The following HAUS1 variants were observed in gnomAD, a reference collection of about 807,000 sequenced individuals.
HAUS1 encodes the protein HAUS augmin like complex subunit 1.
HAUS1 carries 25 observed loss-of-function variants against 38.6 expected under a neutral mutation model. That is an observed-to-expected ratio of 0.65 (90% CI 0.47 to 0.91). The LOEUF (loss-of-function observed/expected upper bound fraction) is 0.91, where lower values mean the gene tolerates loss of function less well. Ranked by LOEUF, HAUS1 falls within the 40% of genes least tolerant of loss-of-function variation. The pLI is 0.00. For missense variants in HAUS1, 325 were observed against 328.4 expected (o/e 0.99, Z 0.08); for synonymous variants, 109 against 112.9 (o/e 0.97, Z 0.22).
chr18:46,118,091 A>C (rs2044741358), intron 2 of HAUS1, 90 bp from the exon 3 acceptor site: 4 of 1,249,768 alleles, frequency 3.2e-6, no homozygotes, highest in Non-Finnish European at 3.5e-6. Flanking sequence ...AGGTGGGTGG[A>C]TTATATGCTA....
chr18:46,127,487 A>G (rs990109320), intron 8 of HAUS1, among the ~76,000 whole-genome samples: 4 of 152,084 alleles, frequency 2.6e-5, no homozygotes, highest in African/African-American at 9.6e-5. Flanking sequence ...GGGTGGATCA[A>G]AAGGTCAAGA....
chr18:46,108,584 C>T (rs898686151), intron 2 of HAUS1, among the ~76,000 whole-genome samples: 1 of 152,120 alleles, frequency 6.6e-6, no homozygotes, highest in African/African-American at 2.4e-5. Flanking sequence ...ACAAATTTCC[C>T]TCCACATACC....
intron 2 of HAUS1, chr18:46,109,622 CT>C (rs754455444): frequency 3.3e-4 from 48 of 146,100 alleles, no homozygotes; most frequent in East Asian, 1.2e-3. Context: ...TTTTTCTTTT[CT>C]TTTTTTTTTT....
intron 2 of HAUS1, among the ~76,000 whole-genome samples, chr18:46,116,738 C>T (rs977964856): frequency 1.3e-5 from 2 of 152,088 alleles, no homozygotes; most frequent in Non-Finnish European, 2.9e-5. Context: ...CTAGGCTGGG[C>T]ACAGTGGCTC....
intron 2 of HAUS1, among the ~76,000 whole-genome samples, chr18:46,105,718 A>T (rs1270041706): frequency 1.3e-5 from 2 of 151,902 alleles, no homozygotes; most frequent in African/African-American, 2.4e-5. Context: ...AGTAGCTGGG[A>T]CTACAGGCCT....
At chr18:46,116,592 C>T (rs1398676863) in intron 2 of HAUS1, among the ~76,000 whole-genome samples, 1 of 151,420 alleles carries the variant, frequency 6.6e-6, no homozygotes, top group African/African-American at 2.4e-5. Context: ...AAAACCAAAA[C>T]CTCAATAATA....
intron 6 of HAUS1, 121 bp downstream of exon 6, chr18:46,123,485 T>C: frequency 1.4e-6 from 1 of 698,188 alleles, no homozygotes; most frequent in Non-Finnish European, 2.5e-6. Context: ...TCCTTTACCT[T>C]TGTACTTTAT....
intron 2 of HAUS1, among the ~76,000 whole-genome samples, chr18:46,116,108 A>AAAGGG (rs371385737): frequency 6.6e-6 from 1 of 152,040 alleles, no homozygotes; most frequent in African/African-American, 2.4e-5. Flanking sequence ...TGTCTCAGAA[A>AAAGGG]AAGGGAAGGG....
intron 1 of HAUS1, 84 bp from the exon 2 acceptor site, chr18:46,105,110 C>T (rs1305433598): frequency 1.5e-5 from 15 of 993,522 alleles, no homozygotes; most frequent in Admixed American, 2.9e-5. Context: ...ATTTAGTTTG[C>T]TTTTGATCAC....
At chr18:46,117,849 G>A (rs1911835702) in intron 2 of HAUS1, among the ~76,000 whole-genome samples, 2 of 152,136 alleles carry the variant, frequency 1.3e-5, no homozygotes, top group Non-Finnish European at 2.9e-5. Flanking sequence ...AGGAGGCTGA[G>A]GCAGGAGAAT....
intron 2 of HAUS1, among the ~76,000 whole-genome samples, chr18:46,114,533 G>A (rs571734747): frequency 3.3e-4 from 50 of 152,288 alleles, no homozygotes; most frequent in African/African-American, 1.2e-3. Flanking sequence ...CGGAGCAAGG[G>A]CCATTGGGAC....
intron 6 of HAUS1, among the ~76,000 whole-genome samples, 166 bp from the exon 7 acceptor site, chr18:46,124,656 G>A (rs751814397): frequency 6.6e-6 from 1 of 152,020 alleles, no homozygotes; most frequent in Non-Finnish European, 1.5e-5. Context: ...AACAGGTGTT[G>A]TTTCCATTTG....
intron 4 of HAUS1, among the ~76,000 whole-genome samples, chr18:46,120,293 G>A (rs1911901291): frequency 6.6e-6 from 1 of 151,378 alleles, no homozygotes; most frequent in Non-Finnish European, 1.5e-5. Flanking sequence ...GGAGTACAGT[G>A]GCACGATCTC....
chr18:46,114,394 G>T lies in HAUS1; in HGVS notation c.206-3787G>T, dbSNP rs540599387. ...CCTCTGGAGTTGGGGTTGGAGGTAGGTAGGGAAAATGTCAAGTTTGTCACT... is the reference window on the plus strand; with the variant it reads ...CCTCTGGAGTTGGGGTTGGAGGTAGTTAGGGAAAATGTCAAGTTTGTCACT... On this transcript the variant is annotated intron_variant, in intron 2 of 8. Transcript: ENST00000282058. 2.2e-4 allele frequency among the ~76,000 whole-genome samples: 34 copies of T among 152,312 alleles called. No homozygotes were observed. In the South Asian group the frequency reaches 6.2e-3, roughly 28 times the overall value.
intron 8 of HAUS1, 185 bp downstream of exon 8, chr18:46,125,976 C>T (rs899364072): frequency 8.2e-6 from 4 of 486,792 alleles, no homozygotes; most frequent in Admixed American, 3.6e-5. Flanking sequence ...TATATTTTTT[C>T]CATTAAGAAA....
At chr18:46,110,333 G>GTTTC (rs1911587751) in intron 2 of HAUS1, among the ~76,000 whole-genome samples, 1 of 49,994 alleles carries the variant, frequency 2.0e-5, no homozygotes, top group Non-Finnish European at 3.5e-5. Context: ...TTTTTTTAAG[G>GTTTC]TTTTTTTTTT....
chr18:46,121,787 T>C (rs1283191009), intron 4 of HAUS1: 1 of 152,154 alleles, frequency 6.6e-6, no homozygotes, highest in African/African-American at 2.4e-5. Flanking sequence ...ATTGTAAAAT[T>C]GTTGTAAACC....
intron 5 of HAUS1, 74 bp from the exon 6 acceptor site, chr18:46,123,225 A>G: frequency 9.3e-7 from 1 of 1,075,494 alleles, no homozygotes; most frequent in Non-Finnish European, 1.4e-6. Flanking sequence ...AAAAAAGAAG[A>G]AAAAGAAAAA....
chr18:46,123,909 T>G (rs902447850), intron 6 of HAUS1, among the ~76,000 whole-genome samples: 2 of 152,162 alleles, frequency 1.3e-5, no homozygotes, highest in African/African-American at 4.8e-5. Context: ...TTTTTTCCCC[T>G]TGTTTTTATA....
Sources: allele counts gnomAD v4.1 joint callset (sites outside exome capture counted in the v4.1 genomes callset), GRCh38; gene constraint gnomAD v4.1.1; transcripts MANE v1.5; gene names NCBI Gene and HGNC (gene_info 2026-07-23, HGNC 2026-07-21).